PCDH1: variants seen among roughly 807,000 people sequenced by gnomAD.
The protein encoded by PCDH1 is protocadherin-1.
In PCDH1, 23 loss-of-function variants were observed where a neutral mutation model predicts 74.6. The ratio of observed to expected loss-of-function variants is 0.31; its 90% CI spans 0.22 to 0.44. The LOEUF is 0.44. Ranked by LOEUF, PCDH1 falls within the 20% of genes least tolerant of loss-of-function variation. The pLI, the probability that PCDH1 is intolerant of heterozygous loss-of-function variation, is 1.00. For missense variants in PCDH1, 1,214 were observed against 1,641.4 expected (o/e 0.74, Z 4.50); for synonymous variants, 647 against 686.1 (o/e 0.94, Z 0.89).
intron 4 of PCDH1, among the ~76,000 whole-genome samples, chr5:141,856,610 C>T (rs1220119542): frequency 5.3e-5 from 8 of 152,116 alleles, no homozygotes; most frequent in Non-Finnish European, 8.8e-5. Context: ...CATCCATTCC[C>T]ATGCCGACCT....
At position 141,854,223 on chromosome 5, in the gene PCDH1, C is replaced by T. The variant is rs767636294; in HGVS notation, c.3533G>A (p.Arg1178Gln). 33 of 1,610,784 alleles carry T rather than the reference C, an allele frequency of 2.0e-5. No individual in the cohort carries two copies. The Admixed American group carries it at 3.4e-4, about 16-fold the overall frequency. Residue 1178 changes from arginine to glutamine, a missense_variant, in exon 5 of 5, where the codon CGG becomes CAG. By Grantham distance (43) the Arg-to-Gln change is conservative. Around this residue, in one of 4 missense-constraint regions of PCDH1, gnomAD observed 194 missense variants for 198.3 expected, o/e 0.98. Coordinates refer to ENST00000287008, the MANE Select transcript of PCDH1 (RefSeq NM_032420.5). ...GCGCACGGGGGCCGTTTTGGTGTTC[C>T]GGTCTTCCGGGGGGCTGGGGCTGCC... Reference protein sequence around the residue: ...GAGSPSPPEDRNTKTAPVRLL... With the variant: ...GAGSPSPPEDQNTKTAPVRLL...
chr5:141,863,478 G>A lies in PCDH1; in HGVS notation c.2853C>T (p.Arg951=). The A allele has an allele frequency of 6.3e-7, 1 of 1,598,788 alleles. No individual in the cohort carries two copies. Among genetic ancestry groups the A allele is most frequent in the Non-Finnish European group, 8.5e-7 (1 of 1,172,086 alleles). Residue 951 remains arginine (R), a synonymous_variant, in exon 3 of 5, where the codon CGC becomes CGT. Coordinates refer to ENST00000287008, the MANE Select transcript of PCDH1 (RefSeq NM_032420.5). The surrounding 1 kb of genome is among the most constrained non-coding windows in gnomAD (Gnocchi z 7.5). ...LMSDAPGDSP[R]IHLPLNYPPG... is the part of the protein sequence containing the mutation. ...GTGGGTAGTTGAGGGGCAGGTGGAT[G>A]CGGGGACTGTCCCCAGGGGCATCGC...
At position 141,853,181 on chromosome 5, in the gene PCDH1, ACCCAC is replaced by A. The variant is rs1752191171; in HGVS notation, c.*856_*860del. ...AAATGTTACCCCCGTCCCCACCCCC[ACCCAC>A]CCGTTGTTTCCCTGGCCTGCACCCC... On this transcript the variant is annotated 3_prime_UTR_variant, in exon 5 of 5. Transcript: ENST00000287008. The A allele has an allele frequency of 2.8e-5, 2 of 71,710 alleles. No homozygotes were observed. The highest frequency in any genetic ancestry group is 1.4e-4 in the Admixed American group (1 of 7,266). The allele number at this position is 71,710 out of a possible 1,614,324, so 4.4% of individuals were successfully genotyped here.
At chr5:141,867,249 C>G (rs10054186) in intron 2 of PCDH1, among the ~76,000 whole-genome samples, 114,854 of 152,084 alleles carry the variant, frequency 0.76, 43,627 homozygotes, top group Non-Finnish European at 0.81. Flanking sequence ...TTTCTTCCAT[C>G]CTCTCTTTTC....
chr5:141,868,341 C>G lies in PCDH1; in HGVS notation c.903+228G>C, dbSNP rs2126825476. 6.6e-6 allele frequency among the ~76,000 whole-genome samples: 1 copy of G among 152,354 alleles called. No homozygotes were observed. The highest frequency in any genetic ancestry group is 2.1e-4 in the South Asian group (1 of 4,830). ...AGTCTGCCTTAGGGGTCACGGGAAACTGTTCATATGCTATTTCACTGTCAC... is the reference window on the plus strand; with the variant it reads ...AGTCTGCCTTAGGGGTCACGGGAAAGTGTTCATATGCTATTTCACTGTCAC... On this transcript the variant is annotated intron_variant, in intron 2 of 4. Transcript: ENST00000287008. The surrounding 1 kb of genome is among the most constrained non-coding windows in gnomAD (Gnocchi z 4.8).
chr5:141,873,354 G>A (rs1246722848), intron 1 of PCDH1, among the ~76,000 whole-genome samples: 1 of 146,616 alleles, frequency 6.8e-6, no homozygotes, highest in East Asian at 2.0e-4. Context: ...TGGCCACAAT[G>A]GTCTCGATCT....
rs1752961521 is a variant in PCDH1 at position 141,868,618 on chromosome 5, T to C, written c.854A>G (p.Tyr285Cys). The C allele has an allele frequency of 6.3e-7, 1 of 1,589,122 alleles. No individual in the cohort carries two copies. The highest frequency in any genetic ancestry group is 1.3e-5 in the African/African-American group (1 of 74,430). ...DNAPKFERPSYEAELSENSPI... is the reference protein window; with the variant it reads ...DNAPKFERPSCEAELSENSPI... ...GCTATTCTCAGATAGTTCGGCCTCATAGGAGGGCCGCTCAAACTTGGGGGC... is the reference window on the plus strand; with the variant it reads ...GCTATTCTCAGATAGTTCGGCCTCACAGGAGGGCCGCTCAAACTTGGGGGC... The change falls in exon 2 of 5, where the codon TAT becomes TGT. Residue 285 changes from tyrosine (Y) to cysteine (C), a missense_variant. Tyr to Cys is a radical substitution (Grantham distance 194, BLOSUM62 -2). Around this residue, in one of 4 missense-constraint regions of PCDH1, gnomAD observed 836 missense variants for 1,182.2 expected, o/e 0.71. Coordinates refer to ENST00000287008, the MANE Select transcript of PCDH1 (RefSeq NM_032420.5). This position sits in a 1 kb window ranked among gnomAD's most constrained non-coding sequence, Gnocchi z 4.8.
chr5:141,867,945 G>T (rs1003808441), intron 2 of PCDH1, among the ~76,000 whole-genome samples: 4 of 152,202 alleles, frequency 2.6e-5, no homozygotes, highest in Admixed American at 2.6e-4. Flanking sequence ...TTCAACAGAG[G>T]AAATTGACCC....
intron 3 of PCDH1, 89 bp from the exon 4 acceptor site, chr5:141,857,560 T>C: frequency 9.0e-7 from 1 of 1,114,322 alleles, no homozygotes; most frequent in South Asian, 1.6e-5. Flanking sequence ...CCAAGCACCA[T>C]CCTACTCAGG....
chr5:141,868,424 C>G lies in PCDH1; in HGVS notation c.903+145G>C. 1.4e-6 allele frequency: 2 copies of G among 1,413,222 alleles called. No homozygotes were observed. The highest frequency in any genetic ancestry group is 3.5e-5 in the South Asian group (2 of 56,444). 87.5% of individuals were successfully genotyped at this position (1,413,222 alleles called of 1,614,324 possible). On this transcript the variant is annotated intron_variant, in intron 2 of 4. Coordinates refer to ENST00000287008, the MANE Select transcript of PCDH1 (RefSeq NM_032420.5). This position sits in a 1 kb window ranked among gnomAD's most constrained non-coding sequence, Gnocchi z 4.8. ...CTGCTGGGGTGGGGTGGGAAAGACT[C>G]CCCTGGCTGAGTTTGGGGAGAAGGG...
In PCDH1 at chr5:141,862,604, A is replaced by G. The variant is rs1224553507; in HGVS notation, c.3099+628T>C. ...GACCTGAGGACAAAGGGCTGCTTCC[A>G]GTCTCTCTCGCTGCTTCTCTCAGTT... On this transcript the variant is annotated intron_variant, in intron 3 of 4. Transcript: ENST00000287008. 4 of 984,626 alleles carry G rather than the reference A, an allele frequency of 4.1e-6. No individual in the cohort carries two copies. The African/African-American group carries it at 7.0e-5, about 17-fold the overall frequency. 61.0% of individuals were successfully genotyped at this position (984,626 alleles called of 1,614,324 possible). A position where few individuals can be genotyped will look rare whatever the true frequency, so the allele number is the denominator to read the frequency against.
At position 141,876,386 on chromosome 5, in the gene PCDH1, G is replaced by T. The variant is rs1299095674; in HGVS notation, c.40+1837C>A. 4.6e-5 allele frequency among the ~76,000 whole-genome samples: 7 copies of T among 152,196 alleles called. No individual in the cohort carries two copies. The South Asian group carries it at 1.0e-3, about 22-fold the overall frequency. On this transcript the variant is annotated intron_variant, in intron 1 of 4. Coordinates refer to ENST00000287008, the MANE Select transcript of PCDH1 (RefSeq NM_032420.5). Reference sequence around the variant, plus strand: ...CCGGAGCCGGCGCGAGCGGCGCAGCGGGCGCCAGGAGGGGGCGGGGAGGGA... The same window carrying T: ...CCGGAGCCGGCGCGAGCGGCGCAGCTGGCGCCAGGAGGGGGCGGGGAGGGA...
chr5:141,876,790 G>T (rs549792187), intron 1 of PCDH1, among the ~76,000 whole-genome samples: 1 of 149,984 alleles, frequency 6.7e-6, no homozygotes, highest in Admixed American at 6.6e-5. Context: ...ACCCACCAAG[G>T]TGTGTGGGAC....
At position 141,865,264 on chromosome 5, in the gene PCDH1, G is replaced by C; in HGVS notation, c.1067C>G (p.Ser356Ter). The C allele has an allele frequency of 6.2e-7, 1 of 1,614,170 alleles. No homozygotes were observed. The highest frequency in any genetic ancestry group is 8.5e-7 in the Non-Finnish European group (1 of 1,180,022). Residue 356 changes from serine to a stop codon, truncating the protein, a stop_gained, in exon 3 of 5, where the codon TCA becomes TGA. Transcript: ENST00000287008. LOFTEE classifies it high-confidence loss of function. This position sits in a 1 kb window ranked among gnomAD's most constrained non-coding sequence, Gnocchi z 4.4. ...GGTGCCTCGGTCCTTAGCAAGCACT[G>C]AGAAGCGCAGGGTGCTTAGGTCCTC... ...DREDLSTLRF[S>*]VLAKDRGTNP...
rs1472862636 is a variant in PCDH1 at position 141,863,708 on chromosome 5, G to A, written c.2623C>T (p.Arg875Cys). The part of the protein sequence containing the change: ...ALLIALAVLV[R>C]YCRQREAKSG... Reference sequence around the variant, plus strand: ...TTGGCCTCCCGCTGTCTGCAGTAGCGCACAAGAACCGCCAGGGCGATGAGC... The same window carrying A: ...TTGGCCTCCCGCTGTCTGCAGTAGCACACAAGAACCGCCAGGGCGATGAGC... Residue 875 changes from arginine to cysteine, a missense_variant, in exon 3 of 5, where the codon CGC becomes TGC. Arg to Cys is a radical substitution (Grantham distance 180, BLOSUM62 -3). Transcript: ENST00000287008. The surrounding 1 kb of genome is among the most constrained non-coding windows in gnomAD (Gnocchi z 7.5). The A allele has an allele frequency of 7.4e-6, 12 of 1,614,176 alleles. No individual in the cohort carries two copies. Among genetic ancestry groups the A allele is most frequent in the East Asian group, 2.2e-5 (1 of 44,882 alleles).
Position 141,853,314 on chromosome 5 carries a change from C to G in PCDH1, c.*728G>C, listed in dbSNP as rs968946866. 1 of 152,560 alleles carries G rather than the reference C, an allele frequency of 6.6e-6. No homozygotes were observed. Among genetic ancestry groups the G allele is most frequent in the Non-Finnish European group, 1.5e-5 (1 of 68,322 alleles). The allele number at this position is 152,560 out of a possible 1,614,324, so 9.5% of individuals were successfully genotyped here. A position where few individuals can be genotyped will look rare whatever the true frequency, so the allele number is the denominator to read the frequency against. ...AGGGGGCACAGGGCAGGTCCCCCCC[C>G]AGAGGGGTCCCCCAAGACAACACGA... On this transcript the variant is annotated 3_prime_UTR_variant, in exon 5 of 5. Transcript: ENST00000287008.
chr5:141,857,693 A>G (rs1752404337), intron 3 of PCDH1, among the ~76,000 whole-genome samples: 1 of 152,128 alleles, frequency 6.6e-6, no homozygotes, highest in Non-Finnish European at 1.5e-5. Context: ...AAGTCCACAT[A>G]CTGGAAGTCC....
chr5:141,869,268 C>T lies in PCDH1; in HGVS notation c.204G>A (p.Gln68=). 6.2e-7 allele frequency: 1 copy of T among 1,611,034 alleles called. No homozygotes were observed. Among genetic ancestry groups the T allele is most frequent in the Non-Finnish European group, 8.5e-7 (1 of 1,178,756 alleles). The change falls in exon 2 of 5, where the codon CAG becomes CAA. Residue 68 remains glutamine (Q), a synonymous_variant. Coordinates refer to ENST00000287008, the MANE Select transcript of PCDH1 (RefSeq NM_032420.5). The surrounding 1 kb of genome is among the most constrained non-coding windows in gnomAD (Gnocchi z 4.9). ...TRVVYKVPEE[Q]PPNTLIGSLA... is the part of the protein sequence containing the mutation. The stretch of plus-strand genomic sequence containing the variant: ...GGCTCCCAATGAGGGTGTTGGGTGG[C>T]TGTTCCTCCGGCACCTTGTACACTA...
intron 1 of PCDH1, among the ~76,000 whole-genome samples, chr5:141,872,483 A>G (rs12517246): frequency 0.17 from 25,467 of 152,178 alleles, 4,389 homozygotes; most frequent in African/African-American, 0.44. Context: ...AAACCATGGT[A>G]CAGATTTTTC....
Sources: allele counts gnomAD v4.1 joint callset (sites outside exome capture counted in the v4.1 genomes callset), GRCh38; gene constraint gnomAD v4.1.1; regional missense constraint gnomAD v4.1.1; non-coding constraint Gnocchi (gnomAD v3.1); transcripts MANE v1.5; gene names NCBI Gene and HGNC (gene_info 2026-07-23, HGNC 2026-07-21).